Variants in UBE2Q2 observed in about 807,000 individuals in gnomAD.
UBE2Q2 encodes ubiquitin conjugating enzyme E2 Q2.
UBE2Q2 carries 54 observed loss-of-function variants against 59.9 expected under a neutral mutation model. The observed-to-expected ratio is 0.90, with a 90% CI of 0.72 to 1.13. UBE2Q2 has a LOEUF of 1.13. Ranked by LOEUF, UBE2Q2 falls within the 50% of genes most tolerant of loss-of-function variation. The probability of loss-of-function intolerance (pLI) is 0.00; values close to 1 mark genes in which losing one functional copy is unlikely to be tolerated. For synonymous variants in UBE2Q2, 165 were observed against 155.2 expected (o/e 1.06, Z -0.47); for missense variants, 433 against 441.9 (o/e 0.98, Z 0.18).
chr15:75,871,516 C>G (rs1054635473), intron 4 of UBE2Q2, among the ~76,000 whole-genome samples: 4 of 152,222 alleles, frequency 2.6e-5, no homozygotes, highest in Non-Finnish European at 5.9e-5. Context: ...GCAGAGGTCC[C>G]TGCGGCCTTC....
chr15:75,879,235 A>G, intron 8 of UBE2Q2, 47 bp downstream of exon 8: 1 of 1,162,524 alleles, frequency 8.6e-7, no homozygotes, highest in Non-Finnish European at 1.2e-6. Flanking sequence ...TGGGGTGCGT[A>G]TATTTGTACA....
intron 1 of UBE2Q2, among the ~76,000 whole-genome samples, chr15:75,845,914 G>T (rs894910900): frequency 6.6e-6 from 1 of 152,220 alleles, no homozygotes; most frequent in African/African-American, 2.4e-5. Context: ...TCAGTACAAG[G>T]AGGATTTAGT....
chr15:75,853,881 G>C (rs923655776), intron 1 of UBE2Q2, among the ~76,000 whole-genome samples: 8 of 152,116 alleles, frequency 5.3e-5, no homozygotes, highest in Admixed American at 3.9e-4. Flanking sequence ...TTGGTCTGAG[G>C]CCTTTTATAA....
At position 75,843,720 on chromosome 15, in the gene UBE2Q2, C is replaced by G. The variant is rs772931800; in HGVS notation, c.54C>G (p.Asp18Glu). 4.3e-6 allele frequency: 7 copies of G among 1,611,424 alleles called. No individual in the cohort carries two copies. Among genetic ancestry groups the G allele is most frequent in the Non-Finnish European group, 5.9e-6 (7 of 1,179,040 alleles). ...TGAAGTTCCTGGCGTCCATCTTCGACAAGAACCACGAGCGATTCCGCATCG... is the reference window on the plus strand; with the variant it reads ...TGAAGTTCCTGGCGTCCATCTTCGAGAAGAACCACGAGCGATTCCGCATCG... The part of the protein sequence containing the change: ...AELKFLASIF[D>E]KNHERFRIVS... The change falls in exon 1 of 13, where the codon GAC (aspartate) becomes GAG (glutamate). Residue 18 changes from aspartate to glutamate, a missense_variant. Asp to Glu is a conservative substitution (Grantham distance 45). Coordinates refer to ENST00000267938, the MANE Select transcript of UBE2Q2 (RefSeq NM_173469.4).
intron 1 of UBE2Q2, among the ~76,000 whole-genome samples, chr15:75,850,611 A>G (rs112228300): frequency 0.012 from 1,811 of 152,226 alleles, 31 homozygotes; most frequent in African/African-American, 0.041. Context: ...GAGAGGGAGG[A>G]GGAAAGATGG....
intron 4 of UBE2Q2, among the ~76,000 whole-genome samples, chr15:75,872,242 TA>T (rs1394774594): frequency 6.7e-6 from 1 of 148,966 alleles, no homozygotes; most frequent in East Asian, 2.0e-4. Context: ...AATAAAAAAA[TA>T]AACCCAAAAA....
chr15:75,871,515 C>G (rs370680072), intron 4 of UBE2Q2, among the ~76,000 whole-genome samples: 18 of 152,224 alleles, frequency 1.2e-4, no homozygotes, highest in African/African-American at 4.3e-4. Context: ...GGCAGAGGTC[C>G]CTGCGGCCTT....
At chr15:75,885,661 C>T (rs1426328912) in intron 9 of UBE2Q2, among the ~76,000 whole-genome samples, 1 of 152,170 alleles carries the variant, frequency 6.6e-6, no homozygotes, top group African/African-American at 2.4e-5. Flanking sequence ...TGCTGCAGAG[C>T]AGGAAATGCT....
chr15:75,863,539 G>T (rs1897299248), intron 3 of UBE2Q2, among the ~76,000 whole-genome samples: 4 of 151,704 alleles, frequency 2.6e-5, no homozygotes. Context: ...TGCCTCCCGG[G>T]TTCAAGTGAT....
chr15:75,874,952 T>G (rs1395368514), intron 5 of UBE2Q2, among the ~76,000 whole-genome samples: 1 of 152,230 alleles, frequency 6.6e-6, no homozygotes, highest in Non-Finnish European at 1.5e-5. Context: ...TTACTCTCCC[T>G]CCTTCAGTCT....
At chr15:75,893,356 AT>A (rs1899212480) in intron 11 of UBE2Q2, among the ~76,000 whole-genome samples, 1 of 152,244 alleles carries the variant, frequency 6.6e-6, no homozygotes, top group Admixed American at 6.5e-5. Flanking sequence ...AACAGAAAGC[AT>A]TAGTAACAAT....
intron 1 of UBE2Q2, 55 bp from the exon 2 acceptor site, chr15:75,854,331 C>A: frequency 7.3e-7 from 1 of 1,374,856 alleles, no homozygotes; most frequent in Non-Finnish European, 1.0e-6. Context: ...GGTTTAATTG[C>A]ATATTTGGGT....
Position 75,876,131 on chromosome 15 carries a change from A to AATATCTTAAATCTT in UBE2Q2, c.589-54_589-41dup, listed in dbSNP as rs1427653166. 7.0e-5 allele frequency: 107 copies of AATATCTTAAATCTT among 1,520,142 alleles called. No homozygotes were observed. The African/African-American group carries it at 1.1e-3, about 16-fold the overall frequency. The allele number at this position is 1,520,142 out of a possible 1,614,324, so 94.2% of individuals were successfully genotyped here. On this transcript the variant is annotated intron_variant, in intron 5 of 12. Coordinates refer to ENST00000267938, the MANE Select transcript of UBE2Q2 (RefSeq NM_173469.4). ...GCTGTAATCTTTTAGATCAGGTTGA[A>AATATCTTAAATCTT]ATATCTTAAATCTTAGCTCAGCAGA...
At chr15:75,894,913 A>G (rs1035864133) in intron 11 of UBE2Q2, 1 of 152,064 alleles carries the variant, frequency 6.6e-6, no homozygotes, top group Admixed American at 6.6e-5. Context: ...GTACTAAAAC[A>G]AAAACTTTTT....
intron 8 of UBE2Q2, among the ~76,000 whole-genome samples, chr15:75,883,080 C>T (rs1898527508): frequency 6.6e-6 from 1 of 152,046 alleles, no homozygotes; most frequent in African/African-American, 2.4e-5. Flanking sequence ...ATCTAAGTTA[C>T]CTAGTCTATC....
At chr15:75,888,477 T>A (rs1195831532) in intron 9 of UBE2Q2, among the ~76,000 whole-genome samples, 1 of 152,228 alleles carries the variant, frequency 6.6e-6, no homozygotes, top group Admixed American at 6.5e-5. Flanking sequence ...AAATACAGTA[T>A]TACTGTGTCC....
chr15:75,847,208 C>G lies in UBE2Q2; in HGVS notation c.180+3362C>G, dbSNP rs866590234. Among the ~76,000 whole-genome samples the G allele has an allele frequency of 2.4e-4, 37 of 152,096 alleles. 1 individual carries two copies. Among genetic ancestry groups the G allele is most frequent in the African/African-American group, 8.7e-4 (36 of 41,394 alleles). On this transcript the variant is annotated intron_variant, in intron 1 of 12. Coordinates refer to ENST00000267938, the MANE Select transcript of UBE2Q2 (RefSeq NM_173469.4). ...GCTTCATAAATATTTGAGTATATAG[C>G]GCTATTCTAGCTGTATTGTATTTGA...
intron 5 of UBE2Q2, among the ~76,000 whole-genome samples, chr15:75,875,607 C>T (rs1030553618): frequency 2.0e-5 from 3 of 152,158 alleles, no homozygotes; most frequent in South Asian, 2.1e-4. Flanking sequence ...GGAATAGACT[C>T]ATACTGAATT....
chr15:75,866,883 A>G (rs750624386), intron 3 of UBE2Q2, among the ~76,000 whole-genome samples: 20 of 152,076 alleles, frequency 1.3e-4, no homozygotes, highest in Middle Eastern at 3.2e-3. Context: ...TAGGTTTTAA[A>G]ATTCTATTTA....
Sources: allele counts gnomAD v4.1 joint callset (sites outside exome capture counted in the v4.1 genomes callset), GRCh38; gene constraint gnomAD v4.1.1; transcripts MANE v1.5; gene names NCBI Gene and HGNC (gene_info 2026-07-23, HGNC 2026-07-21).